ITPR2: variants seen among roughly 807,000 people sequenced by gnomAD.
ITPR2 encodes the protein inositol 1,4,5-trisphosphate-gated calcium channel ITPR2.
ITPR2 carries 207 observed loss-of-function variants against 317.1 expected under a neutral mutation model. The observed-to-expected ratio is 0.65, with a 90% confidence interval of 0.58 to 0.73. The LOEUF (loss-of-function observed/expected upper bound fraction) is 0.73. Ranked by LOEUF, ITPR2 falls within the 30% of genes least tolerant of loss-of-function variation. ITPR2 has a pLI of 0.00. For missense variants in ITPR2, 2,613 were observed against 3,284.0 expected, an observed-to-expected ratio of 0.80 and a Z score of 4.99; for synonymous variants, 1,156 against 1,149.1, an observed-to-expected ratio of 1.01 and a Z score of -0.12.
At chr12:26,480,696 C>T (rs1051091504) in intron 43 of ITPR2, among the ~76,000 whole-genome samples, 13 of 151,806 alleles carry the variant, frequency 8.6e-5, no homozygotes, top group Non-Finnish European at 1.5e-4. Flanking sequence ...AAAAATTAGC[C>T]AGGCATGGTG....
At position 26,607,351 on chromosome 12, in the gene ITPR2, G is replaced by A. The variant is rs189377540; in HGVS notation, c.3463-4645C>T. On this transcript the variant is annotated intron_variant, in intron 26 of 56. Coordinates refer to ENST00000381340, the MANE Select transcript of ITPR2 (RefSeq NM_002223.4). ...ATAACCGGTCTTTTATATTTGATTC[G>A]CCAATCAGATTATAGATTATAATGT... Among the ~76,000 whole-genome samples the A allele has an allele frequency of 2.4e-4, 36 of 152,022 alleles. No homozygotes were observed. In the East Asian group the frequency reaches 6.0e-3, roughly 25 times the overall value.
chr12:26,351,127 CACCTCTGATGAGTGACT>C (rs1432697514), intron 55 of ITPR2, among the ~76,000 whole-genome samples: 1 of 152,184 alleles, frequency 6.6e-6, no homozygotes, highest in Non-Finnish European at 1.5e-5. Flanking sequence ...GATGAGTGAC[CACCTCTGATGAGTGACT>C]TGCTGGGAGG....
intron 32 of ITPR2, among the ~76,000 whole-genome samples, chr12:26,591,236 G>A (rs115572106): frequency 0.012 from 1,768 of 152,060 alleles, 36 homozygotes; most frequent in African/African-American, 0.04. Flanking sequence ...CAACTCTATA[G>A]GAAAAAATAG....
intron 2 of ITPR2, among the ~76,000 whole-genome samples, chr12:26,758,740 G>A (rs994534554): frequency 1.3e-5 from 2 of 152,098 alleles, no homozygotes; most frequent in Non-Finnish European, 2.9e-5. Flanking sequence ...TTCCCTCATT[G>A]GTCTGTGGCT....
chr12:26,437,682 A>C (rs1347132589), intron 47 of ITPR2, among the ~76,000 whole-genome samples: 1 of 152,204 alleles, frequency 6.6e-6, no homozygotes, highest in East Asian at 1.9e-4. Flanking sequence ...TTAAGATTTA[A>C]TTTTTGGTAA....
chr12:26,459,111 G>A (rs1296878118), intron 45 of ITPR2, among the ~76,000 whole-genome samples: 7 of 152,190 alleles, frequency 4.6e-5, no homozygotes, highest in Non-Finnish European at 1.0e-4. Context: ...CTGTGCTAAG[G>A]GGAAACACAT....
intron 26 of ITPR2, among the ~76,000 whole-genome samples, chr12:26,617,802 GGGAA>G (rs781553966): frequency 9.3e-5 from 14 of 149,758 alleles, no homozygotes; most frequent in East Asian, 3.9e-4. Flanking sequence ...AAAGGAAGGA[GGGAA>G]GGAAGGAAGG....
chr12:26,722,670 T>C (rs1329864769), intron 4 of ITPR2, 115 bp from the exon 5 acceptor site: 2 of 738,772 alleles, frequency 2.7e-6, no homozygotes, highest in Admixed American at 2.9e-5. Flanking sequence ...AGATGAAAAT[T>C]AAACAAAGGA....
At chr12:26,483,590 T>C in intron 42 of ITPR2, 108 bp downstream of exon 42, 9 of 783,122 alleles carry the variant, frequency 1.1e-5, no homozygotes, top group Middle Eastern at 3.2e-4. Flanking sequence ...ATTAGGAAAG[T>C]AAAAATGTCT....
rs1024018190 is a variant in ITPR2, at chr12:26,752,413, G to T, written c.164-26648C>A. Among the ~76,000 whole-genome samples, 5 of 152,184 alleles carry T rather than the reference G, an allele frequency of 3.3e-5. No individual in the cohort carries two copies. In the South Asian group the frequency reaches 1.0e-3, roughly 32 times the overall value. The stretch of plus-strand genomic sequence containing the variant: ...AAAGACCTTGCTGATAAAACAAGTT[G>T]CAGTAAAGAAGCTGGCTAAAACCCA... On this transcript the variant is annotated intron_variant, in intron 2 of 56. Coordinates refer to ENST00000381340, the MANE Select transcript of ITPR2 (RefSeq NM_002223.4).
chr12:26,820,501 T>G (rs369524602), intron 1 of ITPR2, among the ~76,000 whole-genome samples: 7 of 152,158 alleles, frequency 4.6e-5, no homozygotes, highest in Non-Finnish European at 7.3e-5. Context: ...TAATAAATTA[T>G]ATTGTATGTA....
At chr12:26,586,551 C>G (rs1172616793) in intron 32 of ITPR2, among the ~76,000 whole-genome samples, 1 of 152,148 alleles carries the variant, frequency 6.6e-6, no homozygotes, top group Non-Finnish European at 1.5e-5. Context: ...TAAATATTAT[C>G]TACATTTCCA....
intron 13 of ITPR2, among the ~76,000 whole-genome samples, chr12:26,670,080 G>A (rs1184555678): frequency 6.6e-6 from 1 of 152,230 alleles, no homozygotes; most frequent in Non-Finnish European, 1.5e-5. Context: ...ACAGCTCAAG[G>A]AGGCCTGCCT....
At chr12:26,664,175 G>C (rs916194283) in intron 14 of ITPR2, among the ~76,000 whole-genome samples, 1 of 152,134 alleles carries the variant, frequency 6.6e-6, no homozygotes, top group Non-Finnish European at 1.5e-5. Flanking sequence ...CTAAAATGTA[G>C]CTTGATTTCT....
chr12:26,572,800 G>A (rs996620849), intron 34 of ITPR2, among the ~76,000 whole-genome samples: 3 of 152,106 alleles, frequency 2.0e-5, no homozygotes, highest in Non-Finnish European at 4.4e-5. Flanking sequence ...GAGAGTAGTA[G>A]AAACAGGGTT....
intron 46 of ITPR2, among the ~76,000 whole-genome samples, chr12:26,440,919 A>C (rs1456693831): frequency 3.9e-5 from 6 of 152,162 alleles, no homozygotes; most frequent in African/African-American, 9.7e-5. Context: ...AGGTGTGTTA[A>C]CCGCAAAAAG....
chr12:26,795,123 A>G (rs1447739447), intron 1 of ITPR2, among the ~76,000 whole-genome samples: 1 of 152,222 alleles, frequency 6.6e-6, no homozygotes, highest in African/African-American at 2.4e-5. Context: ...AATTTGCATA[A>G]TGCCTTCCTG....
At chr12:26,631,489 T>A (rs937403574) in intron 22 of ITPR2, among the ~76,000 whole-genome samples, 2 of 152,216 alleles carry the variant, frequency 1.3e-5, no homozygotes, top group Admixed American at 6.5e-5. Flanking sequence ...TTCAATTCAA[T>A]TAAAAATAGG....
chr12:26,390,202 A>C (rs1302327281), intron 54 of ITPR2, among the ~76,000 whole-genome samples: 1 of 152,230 alleles, frequency 6.6e-6, no homozygotes, highest in Non-Finnish European at 1.5e-5. Flanking sequence ...ACAGTTTGGC[A>C]ATTCCTCAAA....
Sources: allele counts gnomAD v4.1 joint callset (sites outside exome capture counted in the v4.1 genomes callset), GRCh38; gene constraint gnomAD v4.1.1; transcripts MANE v1.5; gene names NCBI Gene and HGNC (gene_info 2026-07-23, HGNC 2026-07-21).